Variants in VWC2L observed in about 807,000 individuals in gnomAD.
VWC2L encodes the protein von Willebrand factor C domain-containing protein 2-like.
Under a neutral mutation model 21.6 loss-of-function variants are expected in VWC2L, and 10 were observed. The observed-to-expected ratio is 0.46, with a 90% confidence interval of 0.29 to 0.78. The LOEUF (loss-of-function observed/expected upper bound fraction) is 0.78, where lower values mean the gene tolerates loss of function less well. VWC2L is among the 30% of genes least tolerant of loss of function. VWC2L has a pLI of 0.10. For synonymous variants in VWC2L, 96 were observed against 94.3 expected (o/e 1.02, Z -0.10); for missense variants, 209 against 277.1 (o/e 0.75, Z 1.74).
intron 3 of VWC2L, among the ~76,000 whole-genome samples, chr2:214,568,597 G>A (rs868140732): frequency 2.0e-5 from 3 of 152,150 alleles, no homozygotes; most frequent in South Asian, 4.2e-4. Context: ...TTGTGTAGGG[G>A]AACTCCCTTT....
intron 3 of VWC2L, among the ~76,000 whole-genome samples, chr2:214,543,577 T>C (rs1165277009): frequency 1.3e-5 from 2 of 151,848 alleles, no homozygotes; most frequent in Non-Finnish European, 2.9e-5. Flanking sequence ...GAACAAGCCA[T>C]GTGGTATTTG....
intron 3 of VWC2L, among the ~76,000 whole-genome samples, chr2:214,489,565 G>A (rs139311106): frequency 2.6e-5 from 4 of 152,180 alleles, no homozygotes; most frequent in Non-Finnish European, 5.9e-5. Flanking sequence ...ACAGAAAGCA[G>A]AGCAGTCAAG....
chr2:214,460,725 TA>T (rs1703128169), intron 3 of VWC2L, among the ~76,000 whole-genome samples: 1 of 152,238 alleles, frequency 6.6e-6, no homozygotes, highest in South Asian at 2.1e-4. Context: ...TCGCTGAACT[TA>T]ATATCATTAT....
intron 3 of VWC2L, among the ~76,000 whole-genome samples, chr2:214,480,751 A>T (rs1182883390): frequency 6.6e-6 from 1 of 151,810 alleles, no homozygotes; most frequent in Non-Finnish European, 1.5e-5. Context: ...TCCCTTCCTT[A>T]AAGTACATCC....
chr2:214,455,836 G>A (rs1703048200), intron 3 of VWC2L, among the ~76,000 whole-genome samples: 1 of 151,938 alleles, frequency 6.6e-6, no homozygotes, highest in African/African-American at 2.4e-5. Context: ...TTCACTTAAT[G>A]TCCTCCAATT....
At chr2:214,503,356 G>GA (rs1048860243) in intron 3 of VWC2L, among the ~76,000 whole-genome samples, 12 of 146,358 alleles carry the variant, frequency 8.2e-5, no homozygotes, top group East Asian at 5.9e-4. Flanking sequence ...ATTTTAATCA[G>GA]AAAAAAAAAT....
chr2:214,420,808 C>T (rs1170386764), intron 2 of VWC2L, among the ~76,000 whole-genome samples: 1 of 152,076 alleles, frequency 6.6e-6, no homozygotes, highest in Non-Finnish European at 1.5e-5. Flanking sequence ...AGATTAATTC[C>T]ATAATTATTG....
At position 214,524,598 on chromosome 2, in the gene VWC2L, CAGGCGCTGTTTT is replaced by C. The variant is rs150758952; in HGVS notation, c.521-51070_521-51059del. 6.6e-4 allele frequency among the ~76,000 whole-genome samples: 101 copies of C among 152,228 alleles called. 3 individuals carry two copies. In the East Asian group the frequency reaches 0.018, roughly 28 times the overall value. On this transcript the variant is annotated intron_variant, in intron 3 of 3. Transcript: ENST00000312504. ...GTATTTATTAAGTACTAGCATGTGC[CAGGCGCTGTTTT>C]AGGTGCTGAGGATACAGTGGCAAGT...
chr2:214,535,399 T>C (rs1035012387), intron 3 of VWC2L, among the ~76,000 whole-genome samples: 1 of 152,050 alleles, frequency 6.6e-6, no homozygotes, highest in Non-Finnish European at 1.5e-5. Context: ...TACCATATCA[T>C]GCTCTTCCAA....
chr2:214,454,593 A>ATTT (rs1703025765), intron 3 of VWC2L, among the ~76,000 whole-genome samples: 85 of 59,634 alleles, frequency 1.4e-3, no homozygotes, highest in South Asian at 2.1e-3. Flanking sequence ...ACATTGATTG[A>ATTT]TTTTCTTTTT....
At chr2:214,493,082 C>T (rs1688766854) in intron 3 of VWC2L, among the ~76,000 whole-genome samples, 1 of 152,134 alleles carries the variant, frequency 6.6e-6, no homozygotes, top group African/African-American at 2.4e-5. Flanking sequence ...ATATGGGGTA[C>T]ACCTGCATAT....
intron 3 of VWC2L, among the ~76,000 whole-genome samples, chr2:214,570,450 A>G (rs569579621): frequency 2.0e-5 from 3 of 152,240 alleles, no homozygotes; most frequent in South Asian, 2.1e-4. Context: ...TGTAGCCTCA[A>G]CTTCCTGGGC....
chr2:214,462,435 T>G (rs1382328344), intron 3 of VWC2L, among the ~76,000 whole-genome samples: 2 of 152,218 alleles, frequency 1.3e-5, no homozygotes, highest in Non-Finnish European at 2.9e-5. Context: ...TTTGCTAAAT[T>G]ACGGTGTGCT....
intron 3 of VWC2L, among the ~76,000 whole-genome samples, chr2:214,493,069 C>T (rs1688766443): frequency 2.0e-5 from 3 of 152,152 alleles, no homozygotes; most frequent in Admixed American, 2.0e-4. Context: ...ACTTACATTC[C>T]TAATATGGGG....
At chr2:214,538,798 T>A (rs926085997) in intron 3 of VWC2L, among the ~76,000 whole-genome samples, 9 of 152,118 alleles carry the variant, frequency 5.9e-5, no homozygotes. Flanking sequence ...TACCGTACTT[T>A]GTCAATTTTA....
At chr2:214,552,880 C>T (rs1043938591) in intron 3 of VWC2L, among the ~76,000 whole-genome samples, 38 of 152,202 alleles carry the variant, frequency 2.5e-4, no homozygotes, top group African/African-American at 8.7e-4. Flanking sequence ...ATTTAAAATG[C>T]ACTATCTCTA....
At chr2:214,447,431 AC>A (rs1702854704) in intron 3 of VWC2L, among the ~76,000 whole-genome samples, 1 of 152,020 alleles carries the variant, frequency 6.6e-6, no homozygotes, top group Non-Finnish European at 1.5e-5. Flanking sequence ...CTTCATCTAA[AC>A]CTACTCTCTG....
intron 3 of VWC2L, among the ~76,000 whole-genome samples, chr2:214,562,186 G>A (rs558399598): frequency 6.6e-6 from 1 of 151,350 alleles, no homozygotes; most frequent in Non-Finnish European, 1.5e-5. Flanking sequence ...AGTGTGTGTT[G>A]TTCCCCTCCA....
chr2:214,463,511 C>A (rs1386745770), intron 3 of VWC2L, among the ~76,000 whole-genome samples: 1 of 152,058 alleles, frequency 6.6e-6, no homozygotes, highest in Non-Finnish European at 1.5e-5. Context: ...TCTTTTTAAT[C>A]CAATCTAATA....
Sources: gnomAD v4.1 joint callset for allele counts (sites outside exome capture counted in the v4.1 genomes callset) on GRCh38, gnomAD v4.1.1 for gene constraint, MANE v1.5 for transcripts, NCBI Gene and HGNC (gene_info 2026-07-23, HGNC 2026-07-21) for gene names.